The following SCARA5 variants were observed in gnomAD, a reference collection of about 807,000 sequenced individuals.
SCARA5 encodes the protein scavenger receptor class A member 5.
A neutral mutation model predicts 46.3 loss-of-function variants in SCARA5; 45 were observed. The observed-to-expected ratio is 0.97, with a 90% CI of 0.76 to 1.24. The LOEUF (loss-of-function observed/expected upper bound fraction) is 1.24. SCARA5 is among the 50% of genes most tolerant of loss of function. SCARA5 has a pLI of 0.00. For missense variants in SCARA5, 680 were observed against 689.0 expected (o/e 0.99, Z 0.15); for synonymous variants, 333 against 306.5 (o/e 1.09, Z -0.90).
At chr8:27,940,774 C>CCATA (rs201504448) in intron 3 of SCARA5, among the ~76,000 whole-genome samples, 2 of 143,060 alleles carry the variant, frequency 1.4e-5, no homozygotes, top group Non-Finnish European at 3.1e-5. Flanking sequence ...ATCCATCCAT[C>CCATA]CATCCATCCA....
In SCARA5 at chr8:27,921,713, G is replaced by T; in HGVS notation, c.774C>A (p.Asp258Glu). 1 of 1,598,232 alleles carries T rather than the reference G, an allele frequency of 6.3e-7. No individual in the cohort carries two copies. ...CGTGCGCCAGGCGCAGGCGGCGCGT[G>T]TCCTCGCTGGCGTTGCTCACCAGCA... is the stretch of plus-strand genomic sequence containing the variant. ...LRVLVSNASE[D>E]TRRLRLAHVG... The change falls in exon 4 of 9, where the codon GAC becomes GAA. Residue 258 changes from aspartate to glutamate, a missense_variant. Physicochemically the swap from Asp to Glu is conservative, Grantham distance 45 (BLOSUM62 2). Around this residue, in one of 3 missense-constraint regions of SCARA5, gnomAD observed 438 missense variants for 384.5 expected, o/e 1.14. Coordinates refer to ENST00000354914, the MANE Select transcript of SCARA5 (RefSeq NM_173833.6).
chr8:27,886,205 C>T (rs1806892803), intron 7 of SCARA5: 1 of 152,518 alleles, frequency 6.6e-6, no homozygotes, highest in Admixed American at 6.5e-5. Flanking sequence ...TCCTCACCAC[C>T]TGTCCCCAGA....
At chr8:27,878,175 C>T (rs981691697) in intron 8 of SCARA5, among the ~76,000 whole-genome samples, 1 of 152,188 alleles carries the variant, frequency 6.6e-6, no homozygotes, top group Admixed American at 6.5e-5. Flanking sequence ...AGAGGATCAG[C>T]CCCAATCCCT....
intron 7 of SCARA5, among the ~76,000 whole-genome samples, chr8:27,884,178 G>T (rs74872224): frequency 0.027 from 4,108 of 152,250 alleles, 203 homozygotes; most frequent in African/African-American, 0.094. Context: ...TATTTGCTGC[G>T]GATCCTTCAT....
chr8:27,880,857 G>GAAA (rs71222524), intron 7 of SCARA5, among the ~76,000 whole-genome samples: 7,978 of 94,740 alleles, frequency 0.084, 1,352 homozygotes, highest in African/African-American at 0.3. Context: ...CCTGTCTAAG[G>GAAA]AAAAAAAAAA....
chr8:27,904,922 A>G (rs1473787114), intron 6 of SCARA5, 88 bp from the exon 7 acceptor site: 38 of 1,191,292 alleles, frequency 3.2e-5, no homozygotes, highest in Non-Finnish European at 3.5e-5. Context: ...GATGAACTCG[A>G]GACCAGAGAA....
intron 7 of SCARA5, among the ~76,000 whole-genome samples, chr8:27,881,669 CTAAAA>C (rs1199006903): frequency 6.6e-6 from 1 of 152,100 alleles, no homozygotes; most frequent in Admixed American, 6.5e-5. Flanking sequence ...CCCCCTGAAT[CTAAAA>C]TAAAAGTTGA....
intron 3 of SCARA5, among the ~76,000 whole-genome samples, chr8:27,965,368 A>T (rs1444404117): frequency 6.6e-6 from 1 of 152,188 alleles, no homozygotes; most frequent in Admixed American, 6.5e-5. Context: ...TCAGTGCTCC[A>T]AGTCAGCTCG....
chr8:27,904,905 G>A, intron 6 of SCARA5, 71 bp from the exon 7 acceptor site: 1 of 1,302,024 alleles, frequency 7.7e-7, no homozygotes, highest in Non-Finnish European at 1.1e-6. Flanking sequence ...ATTACCTGCA[G>A]GAGATTGATG....
intron 3 of SCARA5, among the ~76,000 whole-genome samples, chr8:27,947,708 T>TAA (rs34760183): frequency 0.015 from 1,668 of 112,830 alleles, 47 homozygotes; most frequent in African/African-American, 0.049. Context: ...GTGTCTCTAC[T>TAA]AAAAAAAAAA....
intron 7 of SCARA5, among the ~76,000 whole-genome samples, chr8:27,883,487 T>C (rs1481313800): frequency 2.0e-5 from 3 of 152,206 alleles, no homozygotes; most frequent in African/African-American, 7.2e-5. Flanking sequence ...GTGGGTCTTA[T>C]CAAAATCATT....
intron 3 of SCARA5, among the ~76,000 whole-genome samples, chr8:27,930,871 A>G (rs749589207): frequency 1.3e-5 from 2 of 152,166 alleles, no homozygotes; most frequent in Non-Finnish European, 2.9e-5. Flanking sequence ...GGCTAATGAC[A>G]CGGAAAGAAG....
intron 7 of SCARA5, among the ~76,000 whole-genome samples, chr8:27,899,238 T>G (rs1042846023): frequency 6.6e-6 from 1 of 152,218 alleles, no homozygotes; most frequent in East Asian, 1.9e-4. Flanking sequence ...AGGTTGATTA[T>G]GTCAGAATGG....
intron 3 of SCARA5, among the ~76,000 whole-genome samples, chr8:27,935,679 C>G (rs917300626): frequency 6.6e-6 from 1 of 152,178 alleles, no homozygotes; most frequent in South Asian, 2.1e-4. Flanking sequence ...CCAGAGGACC[C>G]GGGAGCACTC....
chr8:27,924,397 A>G (rs1807648777), intron 3 of SCARA5, among the ~76,000 whole-genome samples: 2 of 152,222 alleles, frequency 1.3e-5, no homozygotes, highest in African/African-American at 4.8e-5. Flanking sequence ...CAGCTGTTAC[A>G]ATCTTTCAGT....
intron 7 of SCARA5, among the ~76,000 whole-genome samples, chr8:27,902,796 C>T (rs1807178612): frequency 6.6e-6 from 1 of 152,154 alleles, no homozygotes; most frequent in Admixed American, 6.5e-5. Flanking sequence ...GGGATCAGAT[C>T]AGGTCTACTA....
chr8:27,970,115 C>G (rs964724963), intron 2 of SCARA5, among the ~76,000 whole-genome samples: 3 of 152,056 alleles, frequency 2.0e-5, no homozygotes, highest in African/African-American at 7.2e-5. Flanking sequence ...CTCTTGGAAC[C>G]TTTGTTTGAG....
intron 3 of SCARA5, 70 bp from the exon 4 acceptor site, chr8:27,922,315 C>T (rs1355005229): frequency 2.7e-6 from 3 of 1,112,732 alleles, no homozygotes; most frequent in Non-Finnish European, 3.8e-6. Flanking sequence ...AGAGGCGAAC[C>T]CAGTCAGAGC....
chr8:27,987,082 C>T (rs1808716362), intron 2 of SCARA5, among the ~76,000 whole-genome samples: 1 of 152,236 alleles, frequency 6.6e-6, no homozygotes, highest in South Asian at 2.1e-4. Flanking sequence ...GGATGAGCAC[C>T]TTGGAGAGCT....
Sources: allele counts gnomAD v4.1 joint callset (sites outside exome capture counted in the v4.1 genomes callset), GRCh38; gene constraint gnomAD v4.1.1; regional missense constraint gnomAD v4.1.1; transcripts MANE v1.5; gene names NCBI Gene and HGNC (gene_info 2026-07-23, HGNC 2026-07-21).